ANXA8: variants seen among roughly 807,000 people sequenced by gnomAD.
The protein encoded by ANXA8 is annexin A8.
A neutral mutation model predicts 26.8 loss-of-function variants in ANXA8; 9 were observed. The observed-to-expected ratio is 0.34, with a 90% CI of 0.20 to 0.59. The LOEUF is 0.59. Ranked by LOEUF, ANXA8 falls within the 20% of genes least tolerant of loss-of-function variation. The probability of loss-of-function intolerance (pLI) is 0.84; values close to 1 mark genes in which losing one functional copy is unlikely to be tolerated. For missense variants in ANXA8, 83 were observed against 238.5 expected (o/e 0.35, Z 4.29); for synonymous variants, 39 against 94.8 (o/e 0.41, Z 3.42).
chr10:47,497,903 C>T, the ANXA8 span, among the ~76,000 whole-genome samples: 11 of 152,112 alleles, frequency 7.2e-5, no homozygotes, highest in Non-Finnish European at 1.3e-4. Context: ...GGCGCCATTG[C>T]ACTCCAGCCT....
the ANXA8 span, among the ~76,000 whole-genome samples, chr10:47,684,830 C>T: frequency 6.6e-6 from 1 of 150,526 alleles, no homozygotes; most frequent in Non-Finnish European, 1.5e-5. Flanking sequence ...AAGTGATCTG[C>T]CCACCTCGGC....
chr10:47,888,617 TTTTTGTTTTG>T, the ANXA8 span, among the ~76,000 whole-genome samples: 1 of 1,708 alleles, frequency 5.9e-4, no homozygotes, highest in African/African-American at 3.7e-3. Flanking sequence ...GAGTTCCTGT[TTTTTGTTTTG>T]TTTTGTTTTG....
At chr10:47,671,346 C>T in the ANXA8 span, among the ~76,000 whole-genome samples, 2 of 151,758 alleles carry the variant, frequency 1.3e-5, no homozygotes, top group Admixed American at 6.6e-5. Flanking sequence ...AGCTTGAGCC[C>T]AGGAGGTCAA....
chr10:47,564,934 G>A, the ANXA8 span: 2 of 1,482,274 alleles, frequency 1.3e-6, no homozygotes, highest in East Asian at 4.5e-5. Context: ...TGCCCTGGCT[G>A]GACAAGTCCA....
chr10:47,750,929 A>G, the ANXA8 span: 1 of 150,796 alleles, frequency 6.6e-6, no homozygotes, highest in Non-Finnish European at 1.5e-5. Context: ...GTCAATTAGT[A>G]TAAGTCATCA....
At chr10:47,666,916 C>T in the ANXA8 span, among the ~76,000 whole-genome samples, 1 of 152,014 alleles carries the variant, frequency 6.6e-6, no homozygotes, top group Non-Finnish European at 1.5e-5. Flanking sequence ...CAGGTTAGAA[C>T]ATAAATTATT....
At chr10:47,988,807 TC>T in the ANXA8 span, among the ~76,000 whole-genome samples, 1 of 151,828 alleles carries the variant, frequency 6.6e-6, no homozygotes, top group African/African-American at 2.4e-5. Flanking sequence ...TACTAGGCTC[TC>T]CTGTTCCCAA....
At chr10:47,755,404 A>C in the ANXA8 span, among the ~76,000 whole-genome samples, 42 of 152,224 alleles carry the variant, frequency 2.8e-4, no homozygotes, top group African/African-American at 7.5e-4. Context: ...TACAGGCGCC[A>C]GCCACCACAC....
At chr10:47,612,426 C>T in the ANXA8 span, among the ~76,000 whole-genome samples, 3 of 63,830 alleles carry the variant, frequency 4.7e-5, no homozygotes, top group East Asian at 5.3e-4. Flanking sequence ...AGCAAGTGAT[C>T]GACTTGTGCT....
chr10:47,976,544 TAC>T, the ANXA8 span, among the ~76,000 whole-genome samples: 4,667 of 132,220 alleles, frequency 0.035, 118 homozygotes, highest in African/African-American at 0.11. Context: ...CCTCTGTCTT[TAC>T]ACACACACAC....
chr10:47,565,638 A>C, the ANXA8 span: 1 of 334,336 alleles, frequency 3.0e-6, no homozygotes, highest in African/African-American at 2.2e-5. Flanking sequence ...AACTTCGGCT[A>C]CGCGGCTGCC....
the ANXA8 span, chr10:47,689,651 T>C: frequency 1.6e-6 from 1 of 626,460 alleles, no homozygotes; most frequent in Non-Finnish European, 2.8e-6. Context: ...AATATCCATA[T>C]GCAAAAATAT....
the ANXA8 span, among the ~76,000 whole-genome samples, chr10:47,733,209 C>CTT: frequency 1.8e-3 from 118 of 63,898 alleles, no homozygotes; most frequent in African/African-American, 5.8e-3. Flanking sequence ...TTCTTTCTTT[C>CTT]TTTCTTTCTT....
the ANXA8 span, among the ~76,000 whole-genome samples, chr10:47,702,585 C>T: frequency 6.6e-6 from 1 of 151,468 alleles, no homozygotes; most frequent in African/African-American, 2.4e-5. Context: ...AAATGATCTG[C>T]CCACTTTGGC....
At chr10:47,769,008 G>T in the ANXA8 span, among the ~76,000 whole-genome samples, 1 of 146,784 alleles carries the variant, frequency 6.8e-6, no homozygotes, top group South Asian at 2.2e-4. Context: ...CATTGGCCAT[G>T]TGAATGAAAG....
the ANXA8 span, among the ~76,000 whole-genome samples, chr10:47,495,252 T>C: frequency 0.012 from 1,479 of 119,662 alleles, 3 homozygotes; most frequent in African/African-American, 0.03. Context: ...GATAGAAACA[T>C]GGCATTATTA....
chr10:47,687,942 A>G, the ANXA8 span, among the ~76,000 whole-genome samples: 8 of 151,754 alleles, frequency 5.3e-5, no homozygotes, highest in Non-Finnish European at 1.0e-4. Flanking sequence ...TCTACTAAAA[A>G]AACTAAAATT....
At chr10:47,694,845 G>A in the ANXA8 span, among the ~76,000 whole-genome samples, 1 of 151,156 alleles carries the variant, frequency 6.6e-6, no homozygotes, top group Non-Finnish European at 1.5e-5. Context: ...TTACCTAAGG[G>A]AGACTACTGA....
At chr10:47,736,361 A>G in the ANXA8 span, among the ~76,000 whole-genome samples, 1 of 71,028 alleles carries the variant, frequency 1.4e-5, no homozygotes, top group Non-Finnish European at 2.8e-5. Flanking sequence ...GGACCATTCC[A>G]TATAGGCCAG....
Sources: gnomAD v4.1 joint callset for allele counts (sites outside exome capture counted in the v4.1 genomes callset) on GRCh38, gnomAD v4.1.1 for gene constraint, MANE v1.5 for transcripts, NCBI Gene and HGNC (gene_info 2026-07-23, HGNC 2026-07-21) for gene names.